Variants in NRXN3 observed in about 807,000 individuals in gnomAD.
NRXN3 encodes neurexin III.
Under a neutral mutation model 137.6 loss-of-function variants are expected in NRXN3, and 32 were observed. The ratio of observed to expected loss-of-function variants is 0.23; its 90% CI spans 0.18 to 0.31. The LOEUF is 0.31. Ranked by LOEUF, NRXN3 falls within the 10% of genes least tolerant of loss-of-function variation. The pLI is 1.00. For synonymous variants in NRXN3, 798 were observed against 784.5 expected, an observed-to-expected ratio of 1.02 and a Z score of -0.29; for missense variants, 1,574 against 2,062.5, an observed-to-expected ratio of 0.76 and a Z score of 4.59.
intron 15 of NRXN3, among the ~76,000 whole-genome samples, chr14:79,163,897 C>G (rs1327362354): frequency 2.1e-5 from 3 of 143,552 alleles, no homozygotes; most frequent in African/African-American, 7.4e-5. Context: ...ATGCCAACAA[C>G]AACAACAATA....
At chr14:79,618,090 G>A (rs1198476125) in intron 16 of NRXN3, among the ~76,000 whole-genome samples, 1 of 152,016 alleles carries the variant, frequency 6.6e-6, no homozygotes, top group Admixed American at 6.6e-5. Context: ...AGTCTCTGAT[G>A]AGTTTTGAAG....
intron 16 of NRXN3, among the ~76,000 whole-genome samples, chr14:79,650,104 A>ATTGCTTGC (rs111731789): frequency 1.0e-3 from 152 of 151,964 alleles, no homozygotes; most frequent in Non-Finnish European, 1.5e-3. Flanking sequence ...TCTGCTGCAG[A>ATTGCTTGC]TTGCTTGCTT....
At chr14:79,518,834 C>T (rs572590243) in intron 16 of NRXN3, among the ~76,000 whole-genome samples, 10 of 152,260 alleles carry the variant, frequency 6.6e-5, no homozygotes, top group African/African-American at 1.2e-4. Context: ...CTTTTGCAAA[C>T]ATATACATCC....
intron 4 of NRXN3, among the ~76,000 whole-genome samples, chr14:78,299,237 T>C (rs2076642168): frequency 6.6e-6 from 1 of 152,080 alleles, no homozygotes; most frequent in Non-Finnish European, 1.5e-5. Context: ...TGAGATGAAG[T>C]CTCTGTTCTT....
intron 8 of NRXN3, among the ~76,000 whole-genome samples, chr14:78,729,713 C>A (rs745901878): frequency 6.6e-6 from 1 of 152,174 alleles, no homozygotes; most frequent in Non-Finnish European, 1.5e-5. Flanking sequence ...TGCACATGCA[C>A]ACACATGCAC....
At chr14:79,791,278 T>C (rs1009038943) in intron 19 of NRXN3, 1 of 151,778 alleles carries the variant, frequency 6.6e-6, no homozygotes, top group Non-Finnish European at 1.5e-5. Flanking sequence ...TTGTGGTTGC[T>C]CTCTCTGTAT....
chr14:79,676,400 C>T (rs951415681), intron 17 of NRXN3, among the ~76,000 whole-genome samples: 6 of 151,856 alleles, frequency 4.0e-5, no homozygotes, highest in Non-Finnish European at 5.9e-5. Flanking sequence ...TATGTATTTC[C>T]TTCACTTTTA....
chr14:79,815,463 T>A (rs1161604137), intron 20 of NRXN3, among the ~76,000 whole-genome samples: 2 of 152,144 alleles, frequency 1.3e-5, no homozygotes, highest in Non-Finnish European at 2.9e-5. Flanking sequence ...GGGTAGCTAT[T>A]GGTTTTTCTT....
intron 4 of NRXN3, among the ~76,000 whole-genome samples, chr14:78,548,867 T>C (rs2096660580): frequency 6.6e-6 from 1 of 152,172 alleles, no homozygotes; most frequent in African/African-American, 2.4e-5. Flanking sequence ...AGGAGCCCAC[T>C]CTACCAAAGA....
chr14:78,661,128 T>C (rs879332942), intron 6 of NRXN3, among the ~76,000 whole-genome samples: 8 of 152,216 alleles, frequency 5.3e-5, no homozygotes, highest in Admixed American at 3.9e-4. Flanking sequence ...AATGAACTTA[T>C]GAGTTGAACT....
intron 4 of NRXN3, among the ~76,000 whole-genome samples, chr14:78,578,003 A>G (rs2096954193): frequency 6.6e-6 from 1 of 152,162 alleles, no homozygotes; most frequent in Non-Finnish European, 1.5e-5. Context: ...GAAATAAAGA[A>G]TGTTTTTTAA....
At chr14:79,613,352 G>C (rs918018131) in intron 16 of NRXN3, among the ~76,000 whole-genome samples, 1 of 152,172 alleles carries the variant, frequency 6.6e-6, no homozygotes, top group East Asian at 1.9e-4. Context: ...ATTGGTATGT[G>C]TGTAAGATTT....
intron 1 of NRXN3, among the ~76,000 whole-genome samples, chr14:78,193,896 G>A (rs1274594954): frequency 6.6e-6 from 1 of 152,098 alleles, no homozygotes; most frequent in Non-Finnish European, 1.5e-5. Flanking sequence ...GTGGCTTGAG[G>A]GCTCTGCCTT....
At chr14:79,083,833 A>G (rs1040487045) in intron 15 of NRXN3, among the ~76,000 whole-genome samples, 1 of 152,242 alleles carries the variant, frequency 6.6e-6, no homozygotes, top group African/African-American at 2.4e-5. Context: ...GAGAATTACA[A>G]CTATCTGAGC....
intron 4 of NRXN3, among the ~76,000 whole-genome samples, chr14:78,333,570 A>G (rs2081092349): frequency 6.6e-6 from 1 of 152,180 alleles, no homozygotes; most frequent in South Asian, 2.1e-4. Context: ...GATCCGAGAA[A>G]GGGGGATTTG....
chr14:78,274,230 C>T (rs1410809830), intron 2 of NRXN3, among the ~76,000 whole-genome samples: 1 of 152,176 alleles, frequency 6.6e-6, no homozygotes, highest in Non-Finnish European at 1.5e-5. Context: ...GAAGGAATGC[C>T]TGAGACTGGG....
chr14:79,132,210 A>G (rs2057624395), intron 15 of NRXN3, among the ~76,000 whole-genome samples: 1 of 152,136 alleles, frequency 6.6e-6, no homozygotes, highest in South Asian at 2.1e-4. Context: ...TCCAACTTAA[A>G]CTTAACTTTA....
chr14:79,205,095 C>T (rs1327598303), intron 15 of NRXN3, among the ~76,000 whole-genome samples: 1 of 152,168 alleles, frequency 6.6e-6, no homozygotes, highest in East Asian at 1.9e-4. Context: ...TGACACTTCA[C>T]TGTTGTTGAT....
At chr14:79,194,410 C>T (rs537337598) in intron 15 of NRXN3, among the ~76,000 whole-genome samples, 51 of 152,266 alleles carry the variant, frequency 3.3e-4, no homozygotes, top group African/African-American at 1.1e-3. Flanking sequence ...TGGTGTTGCA[C>T]TGGTGCATCC....
Sources: allele counts gnomAD v4.1 joint callset (sites outside exome capture counted in the v4.1 genomes callset), GRCh38; gene constraint gnomAD v4.1.1; transcripts MANE v1.5; gene names NCBI Gene and HGNC (gene_info 2026-07-23, HGNC 2026-07-21).